MEF2C: variants seen among roughly 807,000 people sequenced by gnomAD.
The protein encoded by MEF2C is myocyte enhancer factor 2C.
Under a neutral mutation model 50.5 loss-of-function variants are expected in MEF2C, and 6 were observed. That is an observed-to-expected ratio of 0.12 (90% confidence interval 0.07 to 0.23). MEF2C has a LOEUF of 0.23. Among genes scored for constraint, MEF2C ranks in the 10% least tolerant of loss-of-function variants. MEF2C has a pLI of 1.00. For missense variants in MEF2C, 276 were observed against 605.0 expected, an observed-to-expected ratio of 0.46 and a Z score of 5.70; for synonymous variants, 183 against 228.0, an observed-to-expected ratio of 0.80 and a Z score of 1.78.
intron 3 of MEF2C, chr5:88,772,239 C>T (rs1782705080): frequency 6.6e-6 from 1 of 152,188 alleles, no homozygotes; most frequent in African/African-American, 2.4e-5. Context: ...AACTGATTGA[C>T]TTATGTCATG....
At chr5:88,842,965 C>T (rs2153341290) in intron 1 of MEF2C, among the ~76,000 whole-genome samples, 1 of 152,102 alleles carries the variant, frequency 6.6e-6, no homozygotes, top group East Asian at 1.9e-4. Context: ...ATGCTGACCA[C>T]AACCATCTCC....
intron 1 of MEF2C, among the ~76,000 whole-genome samples, chr5:88,856,469 CCAAATGTTAATCACCAAGA>C (rs1427839748): frequency 6.6e-6 from 1 of 152,146 alleles, no homozygotes; most frequent in Non-Finnish European, 1.5e-5. Flanking sequence ...TAACAAGAAG[CCAAATGTTAATCACCAAGA>C]CAATGGGAAA....
chr5:88,870,472 C>T (rs980226912), intron 1 of MEF2C, among the ~76,000 whole-genome samples: 3 of 152,002 alleles, frequency 2.0e-5, no homozygotes, highest in Admixed American at 2.0e-4. Flanking sequence ...TTGTGTGCAT[C>T]TGCTGGGAAT....
intron 8 of MEF2C, among the ~76,000 whole-genome samples, chr5:88,729,693 A>C (rs1214532347): frequency 6.6e-6 from 1 of 152,166 alleles, no homozygotes; most frequent in African/African-American, 2.4e-5. Context: ...ATTAAAAAAA[A>C]ATTAAAATCA....
intron 2 of MEF2C, among the ~76,000 whole-genome samples, chr5:88,816,751 T>C (rs1805619958): frequency 6.6e-6 from 1 of 151,922 alleles, no homozygotes; most frequent in Non-Finnish European, 1.5e-5. Context: ...TTATTTTATT[T>C]ATATGAAATA....
chr5:88,742,520 A>G (rs1189642088), intron 6 of MEF2C: 1 of 980,072 alleles, frequency 1.0e-6, no homozygotes, highest in African/African-American at 1.8e-5. Context: ...AAGGATAGAG[A>G]ATAAAAAGGA....
At chr5:88,823,098 A>T (rs1809195319) in intron 2 of MEF2C, among the ~76,000 whole-genome samples, 4 of 151,982 alleles carry the variant, frequency 2.6e-5, no homozygotes, top group Admixed American at 1.3e-4. Flanking sequence ...TCACACAGAC[A>T]TTATCATTGG....
chr5:88,734,595 T>TAA, intron 6 of MEF2C: 4 of 654,874 alleles, frequency 6.1e-6, no homozygotes, highest in Non-Finnish European at 7.3e-6. Context: ...TTTTTTTTTT[T>TAA]TTTAGCATTT....
At chr5:88,863,434 A>G (rs1322750446) in intron 1 of MEF2C, among the ~76,000 whole-genome samples, 1 of 152,250 alleles carries the variant, frequency 6.6e-6, no homozygotes, top group Non-Finnish European at 1.5e-5. Context: ...AGCCAAAGGT[A>G]GTTTTCAATT....
intron 1 of MEF2C, among the ~76,000 whole-genome samples, chr5:88,873,697 T>C (rs916368103): frequency 2.1e-5 from 3 of 142,868 alleles, no homozygotes; most frequent in African/African-American, 8.0e-5. Flanking sequence ...AATCTATCAA[T>C]GTCGTCACGG....
chr5:88,833,885 C>G (rs898417393), intron 1 of MEF2C, among the ~76,000 whole-genome samples: 1 of 152,048 alleles, frequency 6.6e-6, no homozygotes, highest in African/African-American at 2.4e-5. Context: ...TTACTTAGTT[C>G]TATAAATAGT....
At position 88,761,074 on chromosome 5, in the gene MEF2C, A is replaced by G. The variant is rs767790786; in HGVS notation, c.402+111T>C. 13 of 1,614,000 alleles carry G rather than the reference A, an allele frequency of 8.1e-6. No individual in the cohort carries two copies. The East Asian group carries it at 2.9e-4, about 36-fold the overall frequency. ...TCAGTGCGTGGGGTGAGTGCATAAG[A>G]GGAGTCGGGATCGGGGCTTTCACAG... On this transcript the variant is annotated intron_variant, in intron 4 of 10. Coordinates refer to ENST00000504921, the MANE Select transcript of MEF2C (RefSeq NM_002397.5).
intron 1 of MEF2C, among the ~76,000 whole-genome samples, chr5:88,854,259 A>G (rs1043753947): frequency 2.0e-5 from 3 of 152,198 alleles, no homozygotes; most frequent in African/African-American, 7.2e-5. Context: ...TATGATCAAC[A>G]TCCTTCAGCC....
intron 6 of MEF2C, chr5:88,741,572 A>C (rs1029915975): frequency 3.0e-6 from 3 of 985,158 alleles, no homozygotes; most frequent in East Asian, 2.3e-4. Flanking sequence ...CTAAAGATTC[A>C]GTTTTCTTGA....
Position 88,744,179 on chromosome 5 carries a change from T to C in MEF2C, c.637+4891A>G, listed in dbSNP as rs1057145030. 10 of 953,910 alleles carry C rather than the reference T, an allele frequency of 1.0e-5. No individual in the cohort carries two copies. The African/African-American group carries it at 1.9e-4, about 18-fold the overall frequency. The allele number at this position is 953,910 out of a possible 1,614,324, so 59.1% of individuals were successfully genotyped here. On this transcript the variant is annotated intron_variant, in intron 6 of 10. Coordinates refer to ENST00000504921, the MANE Select transcript of MEF2C (RefSeq NM_002397.5). ...ACACAAGGCATTGCTCTGCTAATGGTTATTTCCATTAAATCTAATGACTAC... is the reference window on the plus strand; with the variant it reads ...ACACAAGGCATTGCTCTGCTAATGGCTATTTCCATTAAATCTAATGACTAC...
chr5:88,767,964 C>A (rs971462337), intron 3 of MEF2C, among the ~76,000 whole-genome samples: 1 of 152,284 alleles, frequency 6.6e-6, no homozygotes, highest in South Asian at 2.1e-4. Context: ...ATGGTGCAAA[C>A]GCTGCATGCC....
At chr5:88,841,477 A>C (rs1394686353) in intron 1 of MEF2C, among the ~76,000 whole-genome samples, 2 of 150,604 alleles carry the variant, frequency 1.3e-5, no homozygotes, top group African/African-American at 4.9e-5. Context: ...ACTGCACCTC[A>C]GCCTGGATGA....
chr5:88,843,286 G>T (rs1581469269), intron 1 of MEF2C: 1 of 918,082 alleles, frequency 1.1e-6, no homozygotes, highest in Non-Finnish European at 1.3e-6. Context: ...CATTATCCAT[G>T]TGAGATGGAT....
chr5:88,742,735 C>T, intron 6 of MEF2C: 2 of 985,360 alleles, frequency 2.0e-6, no homozygotes, highest in Non-Finnish European at 1.2e-6. Context: ...TTGTCTTTGA[C>T]CTGCCTTTCC....
Sources: allele counts gnomAD v4.1 joint callset (sites outside exome capture counted in the v4.1 genomes callset), GRCh38; gene constraint gnomAD v4.1.1; transcripts MANE v1.5; gene names NCBI Gene and HGNC (gene_info 2026-07-23, HGNC 2026-07-21).